The following PTPRG variants were observed in gnomAD, a reference collection of about 807,000 sequenced individuals.
The protein encoded by PTPRG is receptor-type tyrosine-protein phosphatase gamma.
PTPRG carries 102 observed loss-of-function variants against 165.3 expected under a neutral mutation model. The ratio of observed to expected loss-of-function variants is 0.62; its 90% CI spans 0.53 to 0.73. PTPRG has a LOEUF of 0.73. PTPRG is among the 30% of genes least tolerant of loss of function. The pLI is 0.00. For missense variants in PTPRG, 1,866 were observed against 1,861.4 expected, an observed-to-expected ratio of 1.00 and a Z score of -0.05; for synonymous variants, 675 against 669.5, an observed-to-expected ratio of 1.01 and a Z score of -0.13.
intron 2 of PTPRG, among the ~76,000 whole-genome samples, chr3:61,907,933 A>AAGCG (rs1211993446): frequency 3.0e-4 from 32 of 106,392 alleles, no homozygotes; most frequent in Admixed American, 1.7e-3. Context: ...TGATGCCAGC[A>AAGCG]ACATAGCGAG....
At chr3:61,749,408 A>T in intron 2 of PTPRG, 1 of 282,620 alleles carries the variant, frequency 3.5e-6, no homozygotes, top group South Asian at 3.1e-5. Context: ...AAGCCAAGAA[A>T]TGCAACTTTA....
At chr3:62,247,181 A>G (rs1459830631) in intron 15 of PTPRG, among the ~76,000 whole-genome samples, 2 of 152,182 alleles carry the variant, frequency 1.3e-5, no homozygotes, top group African/African-American at 4.8e-5. Flanking sequence ...CATTTTCTGG[A>G]TGAAGAAACT....
At chr3:61,878,417 T>G in intron 2 of PTPRG, among the ~76,000 whole-genome samples, 1 of 152,180 alleles carries the variant, frequency 6.6e-6, no homozygotes, top group East Asian at 1.9e-4. Flanking sequence ...ACCAGTGTTT[T>G]GTTGTTGTTG....
chr3:61,618,595 G>C (rs531299666), intron 1 of PTPRG, among the ~76,000 whole-genome samples: 1 of 151,936 alleles, frequency 6.6e-6, no homozygotes, highest in South Asian at 2.1e-4. Flanking sequence ...GGATGTCGAG[G>C]GGAAAAAAAC....
chr3:62,035,124 T>C (rs1699900202), intron 4 of PTPRG, among the ~76,000 whole-genome samples: 1 of 152,188 alleles, frequency 6.6e-6, no homozygotes, highest in South Asian at 2.1e-4. Flanking sequence ...AGTTAAAATC[T>C]GAACACCGAG....
chr3:61,752,126 C>G (rs1021654146), intron 2 of PTPRG, among the ~76,000 whole-genome samples: 2 of 152,068 alleles, frequency 1.3e-5, no homozygotes, highest in Non-Finnish European at 2.9e-5. Context: ...GCACAAGTGT[C>G]GCGATTGACA....
chr3:62,034,245 T>C (rs1699869013), intron 4 of PTPRG, among the ~76,000 whole-genome samples: 1 of 152,348 alleles, frequency 6.6e-6, no homozygotes, highest in East Asian at 1.9e-4. Context: ...ATACTTTATT[T>C]TCAATCTGCA....
At chr3:61,682,625 C>T (rs1703490525) in intron 1 of PTPRG, among the ~76,000 whole-genome samples, 2 of 152,194 alleles carry the variant, frequency 1.3e-5, no homozygotes, top group Non-Finnish European at 2.9e-5. Flanking sequence ...CTATCCTGTT[C>T]TTCTTTCCCA....
intron 2 of PTPRG, among the ~76,000 whole-genome samples, chr3:61,762,997 C>T (rs2033902317): frequency 1.3e-5 from 2 of 152,088 alleles, no homozygotes; most frequent in South Asian, 4.1e-4. Context: ...GGAACGTGTC[C>T]CTTTCTTATG....
Position 61,602,163 on chromosome 3 carries a change from A to T in PTPRG, c.85+39791A>T, listed in dbSNP as rs576952018. On this transcript the variant is annotated intron_variant, in intron 1 of 29. Coordinates refer to ENST00000474889, the MANE Select transcript of PTPRG (RefSeq NM_002841.4). ...CAGGCCTTCCTAGCTTTTTTTTTTT[A>T]AATTTTTAATTTCTGTGGGTACTTC... Among the ~76,000 whole-genome samples, 85 of 149,016 alleles carry T rather than the reference A, an allele frequency of 5.7e-4. 1 individual carries two copies. Among genetic ancestry groups the T allele is most frequent in the African/African-American group, 1.3e-3 (51 of 40,262 alleles).
intron 2 of PTPRG, among the ~76,000 whole-genome samples, chr3:61,954,835 G>A (rs946204482): frequency 6.6e-6 from 1 of 152,200 alleles, no homozygotes; most frequent in African/African-American, 2.4e-5. Flanking sequence ...GGAGTTGGAG[G>A]ACTTAACAAA....
At chr3:62,020,036 T>C (rs1216686464) in intron 4 of PTPRG, among the ~76,000 whole-genome samples, 1 of 152,108 alleles carries the variant, frequency 6.6e-6, no homozygotes, top group Non-Finnish European at 1.5e-5. Context: ...GTAGTCTGAG[T>C]TTAGGTACCA....
intron 7 of PTPRG, among the ~76,000 whole-genome samples, chr3:62,163,562 C>A (rs1704850039): frequency 1.3e-5 from 2 of 152,050 alleles, no homozygotes; most frequent in South Asian, 4.1e-4. Context: ...TAAAGAAGTA[C>A]CTGGCATGTC....
In PTPRG at chr3:61,930,587, A is replaced by G. The variant is rs114371132; in HGVS notation, c.191-59038A>G. Among the ~76,000 whole-genome samples, 392 of 152,374 alleles carry G rather than the reference A, an allele frequency of 2.6e-3. 1 individual carries two copies. The highest frequency in any genetic ancestry group is 9.1e-3 in the African/African-American group (380 of 41,586). The stretch of plus-strand genomic sequence containing the variant: ...AAATTACAAGGAGGAAAGGATGGAA[A>G]ATACAGGAAAAGAGTGTGAAAGCCC... On this transcript the variant is annotated intron_variant, in intron 2 of 29. Coordinates refer to ENST00000474889, the MANE Select transcript of PTPRG (RefSeq NM_002841.4).
intron 1 of PTPRG, among the ~76,000 whole-genome samples, chr3:61,615,185 CACT>C (rs1350467420): frequency 3.3e-5 from 5 of 152,320 alleles, no homozygotes; most frequent in African/African-American, 1.2e-4. Flanking sequence ...CTTTATACCA[CACT>C]ACTGTCTAAT....
intron 1 of PTPRG, among the ~76,000 whole-genome samples, chr3:61,687,105 C>T (rs903554279): frequency 3.9e-5 from 6 of 152,190 alleles, no homozygotes; most frequent in Non-Finnish European, 8.8e-5. Flanking sequence ...ACCAGTTAGA[C>T]AATACCTACC....
chr3:61,949,700 G>A (rs1345971393), intron 2 of PTPRG, among the ~76,000 whole-genome samples: 1 of 149,898 alleles, frequency 6.7e-6, no homozygotes, highest in Non-Finnish European at 1.5e-5. Flanking sequence ...TTGGGTTTCT[G>A]TTTTGTTTTT....
intron 2 of PTPRG, among the ~76,000 whole-genome samples, chr3:61,962,876 T>C (rs978380942): frequency 2.0e-5 from 3 of 152,184 alleles, no homozygotes; most frequent in African/African-American, 7.2e-5. Flanking sequence ...TGTTTATTTT[T>C]TTGTTTGTTT....
At chr3:61,839,852 G>C (rs535756082) in intron 2 of PTPRG, among the ~76,000 whole-genome samples, 1 of 152,156 alleles carries the variant, frequency 6.6e-6, no homozygotes, top group Non-Finnish European at 1.5e-5. Context: ...TGCCTACACA[G>C]CATTTTTTGT....
Sources: gnomAD v4.1 joint callset for allele counts (sites outside exome capture counted in the v4.1 genomes callset) on GRCh38, gnomAD v4.1.1 for gene constraint, MANE v1.5 for transcripts, NCBI Gene and HGNC (gene_info 2026-07-23, HGNC 2026-07-21) for gene names.